Variants in FAM222B observed in about 807,000 individuals in gnomAD.
The protein encoded by FAM222B is family with sequence similarity 222 member B.
In FAM222B, 12 loss-of-function variants were observed where a neutral mutation model predicts 38.0. The observed-to-expected ratio is 0.32, with a 90% confidence interval of 0.20 to 0.51. FAM222B has a LOEUF of 0.51. Among genes scored for constraint, FAM222B ranks in the 20% least tolerant of loss-of-function variants. The pLI, the probability that FAM222B is intolerant of heterozygous loss-of-function variation, is 0.97. For missense variants in FAM222B, 716 were observed against 754.2 expected (o/e 0.95, Z 0.59); for synonymous variants, 329 against 317.2 (o/e 1.04, Z -0.40).
intron 1 of FAM222B, among the ~76,000 whole-genome samples, chr17:28,783,473 T>C (rs989918166): frequency 9.9e-5 from 15 of 151,964 alleles, no homozygotes; most frequent in African/African-American, 2.9e-4. Flanking sequence ...CTTGGGAACA[T>C]AGTTTACCAC....
intron 1 of FAM222B, among the ~76,000 whole-genome samples, chr17:28,818,856 G>A (rs1313627543): frequency 2.0e-5 from 3 of 152,198 alleles, no homozygotes; most frequent in African/African-American, 7.2e-5. Flanking sequence ...TAGACAAAAT[G>A]AGACAGCAAA....
At chr17:28,780,631 C>T (rs560797504) in intron 1 of FAM222B, among the ~76,000 whole-genome samples, 1 of 152,030 alleles carries the variant, frequency 6.6e-6, no homozygotes, top group African/African-American at 2.4e-5. Context: ...ACAGTAATTC[C>T]AGCACTTTGG....
chr17:28,778,959 G>A (rs2036039197), intron 1 of FAM222B, among the ~76,000 whole-genome samples: 1 of 151,622 alleles, frequency 6.6e-6, no homozygotes, highest in Admixed American at 6.6e-5. Context: ...GAAAGGTAGA[G>A]TGACCACTGC....
chr17:28,835,475 A>G (rs1041093722), intron 1 of FAM222B, among the ~76,000 whole-genome samples: 17 of 152,154 alleles, frequency 1.1e-4, no homozygotes, highest in African/African-American at 3.1e-4. Context: ...CATTTTTTCA[A>G]TGAGGCCACA....
At position 28,810,352 on chromosome 17, in the gene FAM222B, T is replaced by C. The variant is rs183093366; in HGVS notation, c.-41+32330A>G. ...ATACCTTAGATATCAAAGTGCACTT[T>C]GTTTTATATACTAGCTAACTCTGTT... On this transcript the variant is annotated intron_variant, in intron 1 of 2. Transcript: ENST00000581407. Among the ~76,000 whole-genome samples, 10 of 152,316 alleles carry C rather than the reference T, an allele frequency of 6.6e-5. No homozygotes were observed. In the East Asian group the frequency reaches 1.9e-3, roughly 29 times the overall value.
intron 1 of FAM222B, among the ~76,000 whole-genome samples, chr17:28,818,124 T>G (rs1598010378): frequency 6.6e-6 from 1 of 152,072 alleles, no homozygotes; most frequent in Non-Finnish European, 1.5e-5. Context: ...CTTGGGAGGC[T>G]GAGGTGGGAG....
intron 1 of FAM222B, among the ~76,000 whole-genome samples, chr17:28,806,415 T>C (rs2037499725): frequency 6.6e-6 from 1 of 152,180 alleles, no homozygotes; most frequent in Non-Finnish European, 1.5e-5. Flanking sequence ...GAATTTAATC[T>C]AACCAGCCCA....
upstream of FAM222B, among the ~76,000 whole-genome samples, chr17:28,845,399 C>CAA (rs765885216): frequency 7.5e-6 from 1 of 134,034 alleles, no homozygotes; most frequent in Admixed American, 7.6e-5. Flanking sequence ...GACTCCATCT[C>CAA]AAAAAAAAAA....
chr17:28,776,213 A>C (rs1301727528), intron 1 of FAM222B, among the ~76,000 whole-genome samples: 1 of 150,622 alleles, frequency 6.6e-6, no homozygotes, highest in African/African-American at 2.4e-5. Flanking sequence ...CCTACTAAAA[A>C]TCCAATAACA....
chr17:28,789,834 A>G (rs1004665663), intron 1 of FAM222B, among the ~76,000 whole-genome samples: 8 of 152,252 alleles, frequency 5.3e-5, no homozygotes, highest in Admixed American at 4.6e-4. Flanking sequence ...CAAAGGACAA[A>G]GAAGGCACAA....
chr17:28,778,719 A>ATTTTTTTTTTT (rs59098589), intron 1 of FAM222B, among the ~76,000 whole-genome samples: 2 of 25,494 alleles, frequency 7.8e-5, no homozygotes, highest in African/African-American at 1.5e-4. Flanking sequence ...ATATATATAT[A>ATTTTTTTTTTT]TTTTTTTTTT....
rs35918064 is a variant in FAM222B, at chr17:28,769,174, C to CTTTT, written c.-40-2471_-40-2468dup. 3.9e-3 allele frequency among the ~76,000 whole-genome samples: 322 copies of CTTTT among 82,554 alleles called. 1 individual carries two copies. Among genetic ancestry groups the CTTTT allele is most frequent in the Middle Eastern group, 0.027 (2 of 74 alleles). 54.2% of individuals were successfully genotyped at this position (82,554 alleles called of 152,430 possible). A position where few individuals can be genotyped will look rare whatever the true frequency, so the allele number is the denominator to read the frequency against. ...TATTCTCTATTCAGCAATGTTAGTT[C>CTTTT]TTTTTTTTTTTTTTTTTTTTTTTGA... On this transcript the variant is annotated intron_variant, in intron 1 of 2. Transcript: ENST00000581407.
chr17:28,793,742 A>ATT (rs1159375528), intron 1 of FAM222B, among the ~76,000 whole-genome samples: 46 of 132,762 alleles, frequency 3.5e-4, no homozygotes, highest in African/African-American at 6.4e-4. Flanking sequence ...TACTCAACCA[A>ATT]TTTTTTTTTT....
intron 1 of FAM222B, among the ~76,000 whole-genome samples, chr17:28,787,724 T>C (rs1397806789): frequency 6.6e-6 from 1 of 151,980 alleles, no homozygotes; most frequent in Non-Finnish European, 1.5e-5. Context: ...AATACTTTCA[T>C]AGCTAGGGTA....
At chr17:28,798,652 T>TG (rs397856788) in intron 1 of FAM222B, among the ~76,000 whole-genome samples, 11 of 151,818 alleles carry the variant, frequency 7.2e-5, no homozygotes, top group Admixed American at 1.3e-4. Flanking sequence ...TTTTTTTTTT[T>TG]GAAACGGAGT....
intron 1 of FAM222B, among the ~76,000 whole-genome samples, chr17:28,769,202 T>TG (rs1304214795): frequency 4.9e-5 from 6 of 122,736 alleles, no homozygotes; most frequent in Non-Finnish European, 1.0e-4. Flanking sequence ...TTTTTTGAGA[T>TG]GGAGTCTTGC....
At chr17:28,766,457 T>TAA (rs749007741) in intron 2 of FAM222B, 129 bp downstream of exon 2, 1,797 of 594,852 alleles carry the variant, frequency 3.0e-3, no homozygotes, top group Non-Finnish European at 3.4e-3. Flanking sequence ...GACTTCGTCT[T>TAA]AAAAAAAAAA....
chr17:28,801,347 G>T (rs568469591), intron 1 of FAM222B, among the ~76,000 whole-genome samples: 12 of 151,578 alleles, frequency 7.9e-5, no homozygotes, highest in Non-Finnish European at 1.3e-4. Flanking sequence ...CAGCTACTCA[G>T]GAGGCTGAGG....
intron 1 of FAM222B, among the ~76,000 whole-genome samples, chr17:28,820,898 C>T (rs956028806): frequency 6.6e-6 from 1 of 151,780 alleles, no homozygotes; most frequent in African/African-American, 2.4e-5. Flanking sequence ...GCCTCAGCCT[C>T]CAAAGTGCTG....
Sources: gnomAD v4.1 joint callset for allele counts (sites outside exome capture counted in the v4.1 genomes callset) on GRCh38, gnomAD v4.1.1 for gene constraint, MANE v1.5 for transcripts, NCBI Gene and HGNC (gene_info 2026-07-23, HGNC 2026-07-21) for gene names.